Variants in SIPA1L1 observed in about 807,000 individuals in gnomAD.
SIPA1L1 encodes the protein signal induced proliferation associated 1 like 1.
In SIPA1L1, 26 loss-of-function variants were observed where a neutral mutation model predicts 162.7. That is an observed-to-expected ratio of 0.16 (90% confidence interval 0.12 to 0.22). The LOEUF (loss-of-function observed/expected upper bound fraction) is 0.22, where lower values mean the gene tolerates loss of function less well. Among genes scored for constraint, SIPA1L1 ranks in the 10% least tolerant of loss-of-function variants. SIPA1L1 has a pLI of 1.00. For synonymous variants in SIPA1L1, 829 were observed against 837.4 expected, an observed-to-expected ratio of 0.99 and a Z score of 0.17; for missense variants, 1,874 against 2,241.0, an observed-to-expected ratio of 0.84 and a Z score of 3.31.
Position 71,705,285 on chromosome 14 carries a change from G to A in SIPA1L1, c.3710G>A (p.Gly1237Glu). 2 of 1,614,152 alleles carry A rather than the reference G, an allele frequency of 1.2e-6. No homozygotes were observed. The highest frequency in any genetic ancestry group is 8.5e-7 in the Non-Finnish European group (1 of 1,180,014). Residue 1237 changes from glycine (G) to glutamate (E), a missense_variant, in exon 16 of 24, where the codon GGG (glycine) becomes GAG (glutamate). Physicochemically the swap from Gly to Glu is moderately conservative, Grantham distance 98. Transcript: ENST00000381232. ...CCAGCTTTCCGAGAGAGCCCCAGTG[G>A]GAGATTAATGCGGCAGGATCCAGTG... ...VLPAFRESPS[G>E]RLMRQDPVVH...
chr14:71,344,272 C>T (rs1285448407), intron 2 of SIPA1L1, among the ~76,000 whole-genome samples: 1 of 152,192 alleles, frequency 6.6e-6, no homozygotes, highest in Non-Finnish European at 1.5e-5. Flanking sequence ...TTCCGCCCTA[C>T]CACAGTGATC....
At chr14:71,473,654 TA>T (rs1436589172) in intron 2 of SIPA1L1, among the ~76,000 whole-genome samples, 1 of 152,232 alleles carries the variant, frequency 6.6e-6, no homozygotes, top group African/African-American at 2.4e-5. Flanking sequence ...GGATGAGATG[TA>T]AGTCTGTCTT....
intron 2 of SIPA1L1, among the ~76,000 whole-genome samples, chr14:71,334,542 T>C (rs1365068659): frequency 6.6e-6 from 1 of 152,234 alleles, no homozygotes; most frequent in Non-Finnish European, 1.5e-5. Flanking sequence ...AGAACCATAC[T>C]TGAGAGTGTG....
At chr14:71,676,846 T>C (rs965654764) in intron 12 of SIPA1L1, among the ~76,000 whole-genome samples, 4 of 152,206 alleles carry the variant, frequency 2.6e-5, no homozygotes, top group South Asian at 2.1e-4. Flanking sequence ...ATGGTGTACA[T>C]GTGCCACATT....
At chr14:71,328,218 C>T (rs2034062271) in intron 2 of SIPA1L1, among the ~76,000 whole-genome samples, 1 of 152,128 alleles carries the variant, frequency 6.6e-6, no homozygotes, top group African/African-American at 2.4e-5. Context: ...CTGTAGGATT[C>T]ACAGAAAAGG....
chr14:71,713,936 G>A (rs1385214261), intron 17 of SIPA1L1, among the ~76,000 whole-genome samples: 2 of 151,128 alleles, frequency 1.3e-5, no homozygotes, highest in Admixed American at 6.6e-5. Context: ...TTTTCCTTAA[G>A]ATGAGAATGT....
chr14:71,428,968 T>G (rs772132963), intron 2 of SIPA1L1, among the ~76,000 whole-genome samples: 1 of 152,212 alleles, frequency 6.6e-6, no homozygotes, highest in Non-Finnish European at 1.5e-5. Flanking sequence ...TTCCATAGAT[T>G]CCACAGCTCC....
At chr14:71,724,883 A>G (rs2084084372) in intron 19 of SIPA1L1, 48 bp downstream of exon 19, 1 of 1,529,840 alleles carries the variant, frequency 6.5e-7, no homozygotes. Flanking sequence ...CAAGCCAGAC[A>G]TGATGGGGCT....
chr14:71,495,185 G>C (rs528882735), intron 2 of SIPA1L1, among the ~76,000 whole-genome samples: 1 of 152,318 alleles, frequency 6.6e-6, no homozygotes, highest in African/African-American at 2.4e-5. Flanking sequence ...TTCTAGAAGA[G>C]TTCGTGAAGA....
chr14:71,471,384 G>T (rs572070099), intron 2 of SIPA1L1, among the ~76,000 whole-genome samples: 1 of 152,288 alleles, frequency 6.6e-6, no homozygotes, highest in African/African-American at 2.4e-5. Flanking sequence ...CAGGAAAACT[G>T]CTTGAACCCA....
intron 2 of SIPA1L1, among the ~76,000 whole-genome samples, chr14:71,449,970 G>A (rs1168298050): frequency 6.6e-6 from 1 of 152,100 alleles, no homozygotes; most frequent in Non-Finnish European, 1.5e-5. Flanking sequence ...AACAGGAACT[G>A]TCTTTTTCTC....
chr14:71,719,435 G>T (rs574925727), intron 17 of SIPA1L1, among the ~76,000 whole-genome samples: 1 of 152,344 alleles, frequency 6.6e-6, no homozygotes, highest in East Asian at 1.9e-4. Context: ...TCGCATCCTT[G>T]CCAGCACTTG....
chr14:71,467,449 G>T (rs1280209367), intron 2 of SIPA1L1, among the ~76,000 whole-genome samples: 1 of 152,148 alleles, frequency 6.6e-6, no homozygotes, highest in African/African-American at 2.4e-5. Flanking sequence ...AATGCCAAGA[G>T]CAGATGCACT....
chr14:71,625,147 A>T (rs948810403), intron 7 of SIPA1L1, among the ~76,000 whole-genome samples: 4 of 152,098 alleles, frequency 2.6e-5, no homozygotes, highest in Non-Finnish European at 4.4e-5. Context: ...TCATTTTGTG[A>T]CCAGATTTGG....
intron 10 of SIPA1L1, among the ~76,000 whole-genome samples, chr14:71,664,078 A>G (rs905297939): frequency 6.6e-6 from 1 of 152,148 alleles, no homozygotes; most frequent in Non-Finnish European, 1.5e-5. Context: ...TAAACAGGAC[A>G]CCTTTCTTCA....
intron 2 of SIPA1L1, among the ~76,000 whole-genome samples, chr14:71,455,200 G>C (rs2046102259): frequency 6.6e-6 from 1 of 152,244 alleles, no homozygotes; most frequent in African/African-American, 2.4e-5. Flanking sequence ...TTACAGGTTA[G>C]AGGAAATGAG....
In SIPA1L1 at chr14:71,645,921, A is replaced by G. The variant is rs191978854; in HGVS notation, c.1819-4414A>G. On this transcript the variant is annotated intron_variant, in intron 7 of 23. Transcript: ENST00000381232. ...CTCATAGTGACTATTTTAAATTTCT[A>G]AATTTAATTAGGCAATAGTAGAGGT... Among the ~76,000 whole-genome samples, 4 of 152,352 alleles carry G rather than the reference A, an allele frequency of 2.6e-5. No individual in the cohort carries two copies. The East Asian group carries it at 7.7e-4, about 29-fold the overall frequency.
chr14:71,644,594 A>G (rs2041999486), intron 7 of SIPA1L1, among the ~76,000 whole-genome samples: 1 of 152,242 alleles, frequency 6.6e-6, no homozygotes, highest in Non-Finnish European at 1.5e-5. Flanking sequence ...GTCATTTGGA[A>G]AAATTGGTTC....
intron 2 of SIPA1L1, among the ~76,000 whole-genome samples, chr14:71,479,209 C>A (rs2048125605): frequency 6.6e-6 from 1 of 152,122 alleles, no homozygotes. Context: ...TTTTCAGACC[C>A]CTCAAATAGC....
Sources: gnomAD v4.1 joint callset for allele counts (sites outside exome capture counted in the v4.1 genomes callset) on GRCh38, gnomAD v4.1.1 for gene constraint, MANE v1.5 for transcripts, NCBI Gene and HGNC (gene_info 2026-07-23, HGNC 2026-07-21) for gene names.